Variants in NUP210 observed in about 807,000 individuals in gnomAD.
The protein encoded by NUP210 is nuclear pore membrane glycoprotein 210.
A neutral mutation model predicts 196.0 loss-of-function variants in NUP210; 151 were observed. That is an observed-to-expected ratio of 0.77 (90% CI 0.67 to 0.88). NUP210 has a LOEUF of 0.88. NUP210 is among the 40% of genes least tolerant of loss of function. The probability of loss-of-function intolerance (pLI) is 0.00; values close to 1 mark genes in which losing one functional copy is unlikely to be tolerated. For synonymous variants in NUP210, 1,070 were observed against 1,052.7 expected, an observed-to-expected ratio of 1.02 and a Z score of -0.32; for missense variants, 2,314 against 2,493.7, an observed-to-expected ratio of 0.93 and a Z score of 1.53.
rs773184400 is a variant in NUP210, at chr3:13,366,086, GCCTC to G, written c.1788_1791del (p.Arg597CysfsTer13). On this transcript the variant is annotated frameshift_variant and splice_region_variant, in exon 14 of 40. Coordinates refer to ENST00000254508, the MANE Select transcript of NUP210 (RefSeq NM_024923.4). LOFTEE classifies it high-confidence loss of function. ...CTGCAGTGCTCAGAGCCTGGCGGCA[GCCTC>G]CCTACAGAAAGGAGAGAACTAGATG... The G allele has an allele frequency of 6.2e-7, 1 of 1,613,458 alleles. No homozygotes were observed. Among genetic ancestry groups the G allele is most frequent in the South Asian group, 1.1e-5 (1 of 91,048 alleles).
intron 31 of NUP210, among the ~76,000 whole-genome samples, 173 bp from the exon 32 acceptor site, chr3:13,327,610 C>T (rs1696820910): frequency 6.6e-6 from 1 of 152,236 alleles, no homozygotes; most frequent in Admixed American, 6.5e-5. Flanking sequence ...GGGACCACTG[C>T]AGGCAGGTGG....
chr3:13,318,803 T>C (rs890974495), intron 39 of NUP210, among the ~76,000 whole-genome samples: 1 of 152,190 alleles, frequency 6.6e-6, no homozygotes, highest in Non-Finnish European at 1.5e-5. Flanking sequence ...CATCCAGTCC[T>C]AGCATGCACT....
At chr3:13,372,136 C>T in intron 12 of NUP210, 104 bp from the exon 13 acceptor site, 1 of 1,091,292 alleles carries the variant, frequency 9.2e-7, no homozygotes, top group Non-Finnish European at 1.3e-6. Flanking sequence ...ACTGAGGATA[C>T]ATCTGTGAGA....
chr3:13,414,268 G>A (rs74662041), intron 1 of NUP210, among the ~76,000 whole-genome samples: 3,602 of 152,386 alleles, frequency 0.024, 150 homozygotes, highest in African/African-American at 0.082. Flanking sequence ...CTACAGAGCG[G>A]AAGCCACCTC....
At chr3:13,352,030 G>C (rs774669870) in intron 19 of NUP210, 50 bp from the exon 20 acceptor site, 4 of 1,600,388 alleles carry the variant, frequency 2.5e-6, no homozygotes, top group South Asian at 1.1e-5. Flanking sequence ...GGAGGGCGAG[G>C]AGTCCCCCCG....
At position 13,341,655 on chromosome 3, in the gene NUP210, T is replaced by A. The variant is rs993722172; in HGVS notation, c.3228+93A>T. On this transcript the variant is annotated intron_variant, in intron 23 of 39. Transcript: ENST00000254508. ...GTGGGACACAGATTTTTATATGGCT[T>A]CTCTACAGTAGCTTCCTGGACTGTA... 12 of 1,407,888 alleles carry A rather than the reference T, an allele frequency of 8.5e-6. No homozygotes were observed. In the African/African-American group the frequency reaches 1.7e-4, roughly 20 times the overall value. 87.2% of individuals were successfully genotyped at this position (1,407,888 alleles called of 1,614,324 possible).
At chr3:13,355,481 T>C (rs1356330128) in intron 16 of NUP210, among the ~76,000 whole-genome samples, 1 of 152,208 alleles carries the variant, frequency 6.6e-6, no homozygotes, top group African/African-American at 2.4e-5. Context: ...GAGAGGCTCA[T>C]GCAGCATGGG....
At chr3:13,377,686 C>G (rs1347173657) in intron 8 of NUP210, 124 bp from the exon 9 acceptor site, 1 of 663,698 alleles carries the variant, frequency 1.5e-6, no homozygotes, top group Non-Finnish European at 2.6e-6. Context: ...CTCCACCCAC[C>G]TGCAGGCCCC....
At chr3:13,392,670 G>A (rs1427595557) in intron 3 of NUP210, among the ~76,000 whole-genome samples, 3 of 152,182 alleles carry the variant, frequency 2.0e-5, no homozygotes, top group South Asian at 2.1e-4. Flanking sequence ...GGAGCTCATC[G>A]CCCAGCACAG....
Position 13,371,889 on chromosome 3 carries a change from G to A in NUP210, c.1731C>T (p.Ser577=), listed in dbSNP as rs762545001. ...ASEVVTLSDC[S]HFDLAVEVEN... is the part of the protein sequence containing the mutation. ...CCACCTCGACAGCCAAGTCAAAGTG[G>A]GAGCAGTCGCTCAAGGTGACCACCT... The change falls in exon 13 of 40, where the codon TCC becomes TCT. Residue 577 remains serine (S), a synonymous_variant. Transcript: ENST00000254508. The A allele has an allele frequency of 1.9e-6, 3 of 1,610,618 alleles. No homozygotes were observed. Among genetic ancestry groups the A allele is most frequent in the Non-Finnish European group, 2.5e-6 (3 of 1,178,802 alleles).
rs151227151 is a variant in NUP210, at chr3:13,379,643, G to C, written c.896C>G (p.Pro299Arg). ...IPGPEGDPAR[P>R]VAVLAQDTSM... is the part of the protein sequence containing the mutation. ...CGTGTCCTGGGCCAAGACAGCCACCGGCCGGGCTGGGTCTCCTTCGGGGCC... is the reference window on the plus strand; with the variant it reads ...CGTGTCCTGGGCCAAGACAGCCACCCGCCGGGCTGGGTCTCCTTCGGGGCC... Residue 299 changes from proline (P) to arginine (R), a missense_variant, in exon 7 of 40, where the codon CCG becomes CGG. Coordinates refer to ENST00000254508, the MANE Select transcript of NUP210 (RefSeq NM_024923.4). This position sits in a 1 kb window ranked among gnomAD's most constrained non-coding sequence, Gnocchi z 4.2. 6.2e-7 allele frequency: 1 copy of C among 1,614,042 alleles called. No homozygotes were observed. Among genetic ancestry groups the C allele is most frequent in the Non-Finnish European group, 8.5e-7 (1 of 1,180,018 alleles).
Position 13,371,855 on chromosome 3 carries a change from C to T in NUP210, c.1765G>A (p.Gly589Ser). 1.2e-6 allele frequency: 2 copies of T among 1,608,514 alleles called. No individual in the cohort carries two copies. The highest frequency in any genetic ancestry group is 2.2e-5 in the East Asian group (1 of 44,668). The part of the protein sequence containing the change: ...FDLAVEVENQ[G>S]VFQPLPGRLP... The stretch of plus-strand genomic sequence containing the variant: ...TTACCTGGGAGTGGCTGGAACACAC[C>T]CTGGTTCTCCACCTCGACAGCCAAG... Residue 589 changes from glycine (G) to serine (S), a missense_variant, in exon 13 of 40, where the codon GGT becomes AGT. Transcript: ENST00000254508.
At chr3:13,361,418 G>A (rs1418652522) in intron 14 of NUP210, among the ~76,000 whole-genome samples, 1 of 152,186 alleles carries the variant, frequency 6.6e-6, no homozygotes, top group African/African-American at 2.4e-5. Context: ...ATGGCCTCCT[G>A]GTGTGGGCAA....
intron 8 of NUP210, among the ~76,000 whole-genome samples, chr3:13,378,200 C>T (rs989514221): frequency 2.0e-5 from 3 of 150,428 alleles, no homozygotes; most frequent in Non-Finnish European, 4.4e-5. Flanking sequence ...GCTCTGAATC[C>T]ACAACAGTTC....
chr3:13,327,049 G>T (rs750444140), intron 32 of NUP210, among the ~76,000 whole-genome samples, 168 bp downstream of exon 32: 3 of 152,250 alleles, frequency 2.0e-5, no homozygotes, highest in Non-Finnish European at 4.4e-5. Flanking sequence ...AACAGGCACA[G>T]GCTGGATCTG....
rs545631019 is a variant in NUP210, at chr3:13,381,544, G to C, written c.818-1823C>G. 1.5e-4 allele frequency among the ~76,000 whole-genome samples: 23 copies of C among 151,242 alleles called. No individual in the cohort carries two copies. The South Asian group carries it at 2.3e-3, about 15-fold the overall frequency. On this transcript the variant is annotated intron_variant, in intron 6 of 39. Coordinates refer to ENST00000254508, the MANE Select transcript of NUP210 (RefSeq NM_024923.4). ...CCTGGGCTCAGCCTCCTAAGTAGTT[G>C]AGACTACCAATGCACGCCACCATAC...
intron 25 of NUP210, among the ~76,000 whole-genome samples, chr3:13,339,187 AT>A (rs1250609510): frequency 1.3e-5 from 2 of 152,052 alleles, no homozygotes; most frequent in Non-Finnish European, 2.9e-5. Flanking sequence ...GAGAACAAGC[AT>A]TTCCCTGCAC....
In NUP210 at chr3:13,391,270, C is replaced by G. The variant is rs1353003296; in HGVS notation, c.474G>C (p.Glu158Asp). The change falls in exon 4 of 40, where the codon GAG (glutamate) becomes GAC (aspartate). Residue 158 changes from glutamate (E) to aspartate (D), a missense_variant. Coordinates refer to ENST00000254508, the MANE Select transcript of NUP210 (RefSeq NM_024923.4). ...CCTCGGAGTCCTTCACAATCGTCCA[C>G]TCGAAGACCAGTCCAGCCAGAGTGC... ...TFSTLAGLVF[E>D]WTIVKDSEAD... 2.5e-6 allele frequency: 4 copies of G among 1,612,488 alleles called. No homozygotes were observed. The South Asian group carries it at 4.4e-5, about 18-fold the overall frequency.
chr3:13,318,920 C>G (rs579207), intron 39 of NUP210, 152 bp downstream of exon 39: 1 of 704,534 alleles, frequency 1.4e-6, no homozygotes, highest in Non-Finnish European at 2.3e-6. Flanking sequence ...CCCGACCCTC[C>G]TGGCTCCCAC....
Sources: gnomAD v4.1 joint callset for allele counts (sites outside exome capture counted in the v4.1 genomes callset) on GRCh38, gnomAD v4.1.1 for gene constraint, Gnocchi (gnomAD v3.1) non-coding constraint, MANE v1.5 for transcripts, NCBI Gene and HGNC (gene_info 2026-07-23, HGNC 2026-07-21) for gene names.